Variants in MINK1 observed in about 807,000 individuals in gnomAD.
The protein encoded by MINK1 is misshapen like kinase 1, also known as misshapen-like kinase 1.
In MINK1, 46 loss-of-function variants were observed where a neutral mutation model predicts 178.4. The ratio of observed to expected loss-of-function variants is 0.26; its 90% confidence interval spans 0.20 to 0.33. MINK1 has a LOEUF of 0.33. MINK1 is among the 10% of genes least tolerant of loss of function. The probability of loss-of-function intolerance (pLI) is 1.00; values close to 1 mark genes in which losing one functional copy is unlikely to be tolerated. For synonymous variants in MINK1, 797 were observed against 709.7 expected (o/e 1.12, Z -1.96); for missense variants, 1,366 against 1,814.9 (o/e 0.75, Z 4.49).
At position 4,885,760 on chromosome 17, in the gene MINK1, G is replaced by A; in HGVS notation, c.639+147G>A. On this transcript the variant is annotated intron_variant, in intron 7 of 31. Transcript: ENST00000355280. This position sits in a 1 kb window ranked among gnomAD's most constrained non-coding sequence, Gnocchi z 5.0. ...GGGAACATCTTACGGCAAGGCAAGT[G>A]TGGGTGGGAAGATGGGATGGGTTGG... The A allele has an allele frequency of 7.1e-7, 1 of 1,398,816 alleles. No homozygotes were observed. Among genetic ancestry groups the A allele is most frequent in the Non-Finnish European group, 9.8e-7 (1 of 1,020,462 alleles). The allele number at this position is 1,398,816 out of a possible 1,614,324, so 86.7% of individuals were successfully genotyped here.
Position 4,889,686 on chromosome 17 carries a change from A to G in MINK1, c.1270A>G (p.Lys424Glu), listed in dbSNP as rs1968573334. ...REREQRKLQE[K>E]EQQRRLEDMQ... ...GCGGGAGCAGCGGAAGCTGCAGGAG[A>G]AGGAGCAGCAGCGGCGGCTGGAGGA... Residue 424 changes from lysine (K) to glutamate (E), a missense_variant, in exon 13 of 32, where the codon AAG becomes GAG. Physicochemically the swap from Lys to Glu is moderately conservative, Grantham distance 56. Around this residue, in one of 14 missense-constraint regions of MINK1, gnomAD observed 87 missense variants for 78.9 expected, o/e 1.10. Transcript: ENST00000355280. The G allele has an allele frequency of 1.3e-6, 2 of 1,562,576 alleles. No homozygotes were observed. Among genetic ancestry groups the G allele is most frequent in the Non-Finnish European group, 1.7e-6 (2 of 1,155,532 alleles).
Position 4,895,292 on chromosome 17 carries a change from T to C in MINK1, c.3085+50T>C, listed in dbSNP as rs1427338767. ...GGAGGCTCTGGCGTGGCTCTTGTGC[T>C]CCTGGTTAGGTGAGGGCCTGGCTGA... is the stretch of plus-strand genomic sequence containing the variant. On this transcript the variant is annotated intron_variant, in intron 25 of 31. Transcript: ENST00000355280. The surrounding 1 kb of genome is among the most constrained non-coding windows in gnomAD (Gnocchi z 4.3). 7 of 1,609,930 alleles carry C rather than the reference T, an allele frequency of 4.3e-6. No individual in the cohort carries two copies. In the African/African-American group the frequency reaches 5.3e-5, roughly 12 times the overall value.
At chr17:4,839,083 A>G (rs140141827) in intron 1 of MINK1, among the ~76,000 whole-genome samples, 11,630 of 151,980 alleles carry the variant, frequency 0.077, 582 homozygotes, top group East Asian at 0.25. Context: ...AGCTGGGACT[A>G]TAGGCGCCCG....
At chr17:4,871,506 C>G (rs538090562) in intron 1 of MINK1, among the ~76,000 whole-genome samples, 4 of 152,204 alleles carry the variant, frequency 2.6e-5, no homozygotes, top group South Asian at 2.1e-4. Context: ...GCCACCATAC[C>G]TGGTCTTCAT....
At chr17:4,834,112 T>C (rs1908920154) in intron 1 of MINK1, among the ~76,000 whole-genome samples, 1 of 152,172 alleles carries the variant, frequency 6.6e-6, no homozygotes, top group Non-Finnish European at 1.5e-5. Flanking sequence ...CCTCTTTCTC[T>C]GCCTCGCCCA....
intron 1 of MINK1, among the ~76,000 whole-genome samples, chr17:4,847,876 A>G (rs1443103471): frequency 1.3e-5 from 2 of 152,044 alleles, no homozygotes; most frequent in African/African-American, 4.8e-5. Context: ...CAAAAAATAA[A>G]GGGAAGTTTC....
Position 4,897,206 on chromosome 17 carries a change from G to C in MINK1, c.3918G>C (p.Val1306=). 1 of 1,613,358 alleles carries C rather than the reference G, an allele frequency of 6.2e-7. No homozygotes were observed. Among genetic ancestry groups the C allele is most frequent in the East Asian group, 2.2e-5 (1 of 44,862 alleles). The change falls in exon 32 of 32, where the codon GTG becomes GTC. Residue 1306 remains valine, a splice_region_variant and synonymous_variant. Coordinates refer to ENST00000355280, the MANE Select transcript of MINK1 (RefSeq NM_153827.5). ...ACTTCTTCTCCTGCCCCACCCAGGT[G>C]TTTTTTGCCTCAGTCCGCTCTGGGG... The part of the protein sequence containing the change: ...LKFLCERNDK[V]FFASVRSGGS...
chr17:4,858,903 A>G (rs1913640324), intron 1 of MINK1, among the ~76,000 whole-genome samples: 1 of 152,166 alleles, frequency 6.6e-6, no homozygotes, highest in South Asian at 2.1e-4. Flanking sequence ...CTCCCAGACT[A>G]GAGAGGTCTT....
intron 1 of MINK1, among the ~76,000 whole-genome samples, chr17:4,838,079 G>A (rs1410722429): frequency 6.6e-6 from 1 of 152,184 alleles, no homozygotes; most frequent in East Asian, 1.9e-4. Flanking sequence ...GATGCCTTAG[G>A]CAGGAGAATG....
chr17:4,876,610 C>G (rs1967204087), intron 1 of MINK1, among the ~76,000 whole-genome samples: 1 of 151,948 alleles, frequency 6.6e-6, no homozygotes, highest in African/African-American at 2.4e-5. Flanking sequence ...CCCAGAAACC[C>G]TATGTTAGCT....
Position 4,833,671 on chromosome 17 carries a change from G to A in MINK1, c.57+31G>A, listed in dbSNP as rs1908820797. ...CGCGCCGTCCCCCAGCCTCGCCCTGGTTCCTGTCCCCGCCGCAGGGGAGGG... is the reference window on the plus strand; with the variant it reads ...CGCGCCGTCCCCCAGCCTCGCCCTGATTCCTGTCCCCGCCGCAGGGGAGGG... On this transcript the variant is annotated intron_variant, in intron 1 of 31. Transcript: ENST00000355280. The surrounding 1 kb of genome is among the most constrained non-coding windows in gnomAD (Gnocchi z 4.8). 2.0e-6 allele frequency: 3 copies of A among 1,469,764 alleles called. No individual in the cohort carries two copies. Among genetic ancestry groups the A allele is most frequent in the Middle Eastern group, 2.3e-4 (1 of 4,278 alleles). The allele number at this position is 1,469,764 out of a possible 1,614,324, so 91.0% of individuals were successfully genotyped here.
At position 4,896,708 on chromosome 17, in the gene MINK1, T is replaced by C. The variant is rs1362810663; in HGVS notation, c.3810T>C (p.Gly1270=). Residue 1270 remains glycine, a synonymous_variant, in exon 31 of 32, where the codon GGT becomes GGC. Transcript: ENST00000355280. This position sits in a 1 kb window ranked among gnomAD's most constrained non-coding sequence, Gnocchi z 4.6. ...YICSNQIMGW[G]EKAIEIRSVE... The stretch of plus-strand genomic sequence containing the variant: ...GCTCCAACCAGATAATGGGCTGGGG[T>C]GAGAAAGCCATTGAGATCCGCTCTG... 1 of 1,601,948 alleles carries C rather than the reference T, an allele frequency of 6.2e-7. No homozygotes were observed. The highest frequency in any genetic ancestry group is 1.7e-5 in the Admixed American group (1 of 58,996).
At chr17:4,858,969 C>T (rs912923916) in intron 1 of MINK1, among the ~76,000 whole-genome samples, 1 of 151,034 alleles carries the variant, frequency 6.6e-6, no homozygotes, top group African/African-American at 2.5e-5. Context: ...ACCCGGGATT[C>T]CCCCCGGCCC....
At chr17:4,848,770 T>C (rs1270940329) in intron 1 of MINK1, among the ~76,000 whole-genome samples, 1 of 152,208 alleles carries the variant, frequency 6.6e-6, no homozygotes, top group Non-Finnish European at 1.5e-5. Context: ...GTGCTGGGAT[T>C]ACAGGCCTAA....
rs1909381593 is a variant in MINK1, at chr17:4,836,915, C to T, written c.57+3275C>T. On this transcript the variant is annotated intron_variant, in intron 1 of 31. Transcript: ENST00000355280. This position sits in a 1 kb window ranked among gnomAD's most constrained non-coding sequence, Gnocchi z 4.3. ...TTCAGTGGCCGGGTGTGGTAGCTCACGACCGTAATCCCAGCACTTTGGGAG... is the reference window on the plus strand; with the variant it reads ...TTCAGTGGCCGGGTGTGGTAGCTCATGACCGTAATCCCAGCACTTTGGGAG... Among the ~76,000 whole-genome samples, 1 of 152,014 alleles carries T rather than the reference C, an allele frequency of 6.6e-6. No homozygotes were observed. Among genetic ancestry groups the T allele is most frequent in the African/African-American group, 2.4e-5 (1 of 41,370 alleles).
chr17:4,840,040 A>T (rs866337963), intron 1 of MINK1, among the ~76,000 whole-genome samples: 3 of 152,066 alleles, frequency 2.0e-5, no homozygotes, highest in African/African-American at 7.3e-5. Context: ...GTGGGCACAT[A>T]TAACAAGAGT....
At position 4,891,113 on chromosome 17, in the gene MINK1, G is replaced by A. The variant is rs1597560571; in HGVS notation, c.1729G>A (p.Gly577Arg). The change falls in exon 15 of 32, where the codon GGA becomes AGA. Residue 577 changes from glycine (G) to arginine (R), a missense_variant. Gly to Arg is a moderately radical substitution (Grantham distance 125, BLOSUM62 -2). Transcript: ENST00000355280. ...PMQRPVEPQEGPHKSLVAHRV... is the reference protein window; with the variant it reads ...PMQRPVEPQERPHKSLVAHRV... ...GCAGAGGCCGGTGGAGCCCCAGGAG[G>A]GACCGCACAAGGTGAGTCTCTCCCC... is the stretch of plus-strand genomic sequence containing the variant. 6.5e-7 allele frequency: 1 copy of A among 1,534,204 alleles called. No individual in the cohort carries two copies. The highest frequency in any genetic ancestry group is 2.4e-5 in the East Asian group (1 of 40,950).
intron 12 of MINK1, among the ~76,000 whole-genome samples, chr17:4,889,089 G>A (rs1018158799): frequency 6.6e-6 from 1 of 152,170 alleles, no homozygotes; most frequent in African/African-American, 2.4e-5. Context: ...AAGTGTAAGG[G>A]TCCCTCAGGG....
chr17:4,891,202 A>G (rs772966543), intron 15 of MINK1, 78 bp downstream of exon 15: 2,788 of 232,204 alleles, frequency 0.012, 7 homozygotes, highest in African/African-American at 0.026. Context: ...ACACGCGCGC[A>G]CACACACACA....
Sources: gnomAD v4.1 joint callset for allele counts (sites outside exome capture counted in the v4.1 genomes callset) on GRCh38, gnomAD v4.1.1 for gene constraint, gnomAD v4.1.1 regional missense constraint, Gnocchi (gnomAD v3.1) non-coding constraint, MANE v1.5 for transcripts, NCBI Gene and HGNC (gene_info 2026-07-23, HGNC 2026-07-21) for gene names.